HSPA4: variants seen among roughly 807,000 people sequenced by gnomAD.
The protein encoded by HSPA4 is heat shock protein family A (Hsp70) member 4, also known as heat shock 70 kDa protein 4.
In HSPA4, 25 loss-of-function variants were observed where a neutral mutation model predicts 106.2. That is an observed-to-expected ratio of 0.24 (90% CI 0.17 to 0.33). The LOEUF (loss-of-function observed/expected upper bound fraction) is 0.33, where lower values mean the gene tolerates loss of function less well. Among genes scored for constraint, HSPA4 ranks in the 10% least tolerant of loss-of-function variants. HSPA4 has a pLI of 1.00. For missense variants in HSPA4, 841 were observed against 996.0 expected (o/e 0.84, Z 2.10); for synonymous variants, 332 against 333.6 (o/e 1.00, Z 0.05).
chr5:133,053,596 A>C (rs761734160), intron 1 of HSPA4, among the ~76,000 whole-genome samples: 2 of 151,542 alleles, frequency 1.3e-5, no homozygotes, highest in Non-Finnish European at 1.5e-5. Context: ...GCAGTCCTCC[A>C]GCCTCGGCCT....
chr5:133,103,776 T>G (rs1363837791), intron 17 of HSPA4, 89 bp from the exon 18 acceptor site: 1 of 1,084,830 alleles, frequency 9.2e-7, no homozygotes, highest in Non-Finnish European at 1.3e-6. Flanking sequence ...AGATTATAAG[T>G]TTTTGAAAAA....
intron 6 of HSPA4, 46 bp from the exon 7 acceptor site, chr5:133,076,608 A>G (rs1369934479): frequency 1.3e-6 from 2 of 1,561,568 alleles, no homozygotes; most frequent in East Asian, 4.5e-5. Context: ...ATCTGTTTCA[A>G]AATCGATTGG....
intron 1 of HSPA4, among the ~76,000 whole-genome samples, chr5:133,063,172 C>G (rs2126695720): frequency 6.6e-6 from 1 of 152,288 alleles, no homozygotes; most frequent in East Asian, 1.9e-4. Flanking sequence ...TCACAGCTTA[C>G]TGCAGCCTCA....
At chr5:133,078,504 A>G (rs1765473669) in intron 7 of HSPA4, among the ~76,000 whole-genome samples, 1 of 146,350 alleles carries the variant, frequency 6.8e-6, no homozygotes, top group Admixed American at 6.8e-5. Context: ...GTGTGGTGGC[A>G]GGCGCCTGTA....
At chr5:133,090,272 CA>C (rs964102710) in intron 11 of HSPA4, among the ~76,000 whole-genome samples, 5 of 149,304 alleles carry the variant, frequency 3.3e-5, no homozygotes, top group Non-Finnish European at 6.0e-5. Context: ...TAAAAAAATA[CA>C]AAAAAAAATT....
intron 1 of HSPA4, among the ~76,000 whole-genome samples, chr5:133,056,407 A>AT (rs1342944299): frequency 9.2e-5 from 14 of 152,100 alleles, no homozygotes; most frequent in Admixed American, 2.6e-4. Flanking sequence ...GCTGGAGTGC[A>AT]TTGTTGCGGT....
In HSPA4 at chr5:133,052,229, A is replaced by G. The variant is rs1359114573; in HGVS notation, c.-22A>G. ...GTCTCGGTGGCCGGACCCGGGCCCG[A>G]GCCCGAGCAGTAGCCGGCGCCATGT... On this transcript the variant is annotated 5_prime_UTR_variant, in exon 1 of 19. Coordinates refer to ENST00000304858, the MANE Select transcript of HSPA4 (RefSeq NM_002154.4). 25 of 1,540,428 alleles carry G rather than the reference A, an allele frequency of 1.6e-5. No homozygotes were observed. The highest frequency in any genetic ancestry group is 2.2e-5 in the Non-Finnish European group (25 of 1,139,754).
rs745506915 is a variant in HSPA4, at chr5:133,067,542, A to T, written c.291A>T (p.Gly97=). Residue 97 remains glycine, a synonymous_variant, in exon 3 of 19, where the codon GGA becomes GGT. Transcript: ENST00000304858. ...ATGATATTGTGCAGTTGCCTACAGG[A>T]TTAACAGGTATAAAGGTAAGGTTGT... ...LAYDIVQLPT[G]LTGIKVTYME... The T allele has an allele frequency of 2.5e-6, 4 of 1,613,172 alleles. No individual in the cohort carries two copies. Among genetic ancestry groups the T allele is most frequent in the Non-Finnish European group, 3.4e-6 (4 of 1,179,574 alleles).
rs181230278 is a variant in HSPA4, at chr5:133,092,245, G to T, written c.1561-455G>T. Among the ~76,000 whole-genome samples the T allele has an allele frequency of 1.9e-3, 282 of 152,190 alleles. 1 individual carries two copies. Among genetic ancestry groups the T allele is most frequent in the Non-Finnish European group, 3.2e-3 (215 of 68,010 alleles). Reference sequence around the variant, plus strand: ...TAGGCTTTGTAATTTTAACGTGTTCGCCTCCCCGAGCACATGCAGTGGTCA... The same window carrying T: ...TAGGCTTTGTAATTTTAACGTGTTCTCCTCCCCGAGCACATGCAGTGGTCA... On this transcript the variant is annotated intron_variant, in intron 12 of 18. Transcript: ENST00000304858.
At position 133,105,905 on chromosome 5, in the gene HSPA4, A is replaced by G. The variant is rs1765851279; in HGVS notation, c.*1469A>G. 6.6e-6 allele frequency: 1 copy of G among 151,934 alleles called. No individual in the cohort carries two copies. Among genetic ancestry groups the G allele is most frequent in the Non-Finnish European group, 1.5e-5 (1 of 68,002 alleles). 9.4% of individuals were successfully genotyped at this position (151,934 alleles called of 1,614,324 possible). A position where few individuals can be genotyped will look rare whatever the true frequency, so the allele number is the denominator to read the frequency against. On this transcript the variant is annotated 3_prime_UTR_variant, in exon 19 of 19. Coordinates refer to ENST00000304858, the MANE Select transcript of HSPA4 (RefSeq NM_002154.4). ...AGTATACTTATGTTGGTGTGTAAGCATGCATGGAGGCCTCGAGGCACCACA... is the reference window on the plus strand; with the variant it reads ...AGTATACTTATGTTGGTGTGTAAGCGTGCATGGAGGCCTCGAGGCACCACA...
Position 133,067,256 on chromosome 5 carries a change from A to G in HSPA4, c.166-161A>G, listed in dbSNP as rs576417591. Among the ~76,000 whole-genome samples, 9 of 152,264 alleles carry G rather than the reference A, an allele frequency of 5.9e-5. No homozygotes were observed. In the South Asian group the frequency reaches 1.2e-3, roughly 21 times the overall value. On this transcript the variant is annotated intron_variant, in intron 2 of 18. Transcript: ENST00000304858. ...GCAAATCCCTCCTCCCTCACTTCGC[A>G]TGCTAGTGGGCACCATTTAGAAAAG...
At chr5:133,101,577 T>C (rs983795357) in intron 16 of HSPA4, 182 bp from the exon 17 acceptor site, 1 of 554,348 alleles carries the variant, frequency 1.8e-6, no homozygotes, top group African/African-American at 2.0e-5. Flanking sequence ...GATGGATCAG[T>C]GTTGAGGTAT....
At chr5:133,061,242 C>A (rs1765238080) in intron 1 of HSPA4, among the ~76,000 whole-genome samples, 1 of 151,848 alleles carries the variant, frequency 6.6e-6, no homozygotes, top group Non-Finnish European at 1.5e-5. Flanking sequence ...CCTGCCTCAG[C>A]CTCCCAAGTA....
chr5:133,093,037 G>T (rs1398467162), intron 13 of HSPA4, among the ~76,000 whole-genome samples: 1 of 149,554 alleles, frequency 6.7e-6, no homozygotes, highest in Non-Finnish European at 1.5e-5. Context: ...CACTGTGTTG[G>T]CTAGGCAGGT....
intron 3 of HSPA4, among the ~76,000 whole-genome samples, chr5:133,068,607 A>C (rs1215365965): frequency 6.6e-6 from 1 of 152,184 alleles, no homozygotes; most frequent in Non-Finnish European, 1.5e-5. Context: ...AGAAGTGAAA[A>C]ATTCTGAAAA....
At chr5:133,053,458 C>T (rs1765110394) in intron 1 of HSPA4, among the ~76,000 whole-genome samples, 1 of 151,088 alleles carries the variant, frequency 6.6e-6, no homozygotes, top group African/African-American at 2.4e-5. Context: ...AGGTGATTCT[C>T]CCACCTCAGC....
At chr5:133,089,217 G>C in intron 10 of HSPA4, 56 bp downstream of exon 10, 1 of 937,702 alleles carries the variant, frequency 1.1e-6, no homozygotes, top group Non-Finnish European at 1.6e-6. Context: ...TTAGGTCTGA[G>C]TAATATGTTG....
At chr5:133,078,098 A>AAG (rs1765467472) in intron 7 of HSPA4, among the ~76,000 whole-genome samples, 1 of 151,860 alleles carries the variant, frequency 6.6e-6, no homozygotes, top group African/African-American at 2.4e-5. Flanking sequence ...TTTGGGAGGC[A>AAG]GAGGCAGGCG....
intron 1 of HSPA4, among the ~76,000 whole-genome samples, chr5:133,055,119 T>C (rs906636052): frequency 4.6e-5 from 7 of 152,164 alleles, no homozygotes; most frequent in South Asian, 2.1e-4. Flanking sequence ...CACCACGGAA[T>C]TGTGATAAGA....
Sources: allele counts gnomAD v4.1 joint callset (sites outside exome capture counted in the v4.1 genomes callset), GRCh38; gene constraint gnomAD v4.1.1; transcripts MANE v1.5; gene names NCBI Gene and HGNC (gene_info 2026-07-23, HGNC 2026-07-21).